Variants in PSPC1 observed in about 807,000 individuals in gnomAD.
The protein encoded by PSPC1 is paraspeckle component 1.
In PSPC1, 14 loss-of-function variants were observed where a neutral mutation model predicts 51.6. That is an observed-to-expected ratio of 0.27 (90% CI 0.18 to 0.42). PSPC1 has a LOEUF of 0.42. Ranked by LOEUF, PSPC1 falls within the 10% of genes least tolerant of loss-of-function variation. The pLI, the probability that PSPC1 is intolerant of heterozygous loss-of-function variation, is 1.00. For synonymous variants in PSPC1, 193 were observed against 231.9 expected (o/e 0.83, Z 1.53); for missense variants, 406 against 701.1 (o/e 0.58, Z 4.75).
At chr13:19,706,344 T>TC (rs1565977782) in intron 7 of PSPC1, among the ~76,000 whole-genome samples, 1 of 152,040 alleles carries the variant, frequency 6.6e-6, no homozygotes, top group Non-Finnish European at 1.5e-5. Context: ...TTTTTTTTTT[T>TC]CCTCCCTGAG....
intron 6 of PSPC1, among the ~76,000 whole-genome samples, chr13:19,725,552 A>G (rs1219096965): frequency 6.6e-6 from 1 of 152,276 alleles, no homozygotes; most frequent in Non-Finnish European, 1.5e-5. Context: ...GTCTCAATAC[A>G]GTCTCACATA....
intron 4 of PSPC1, among the ~76,000 whole-genome samples, chr13:19,748,902 G>A (rs1398872781): frequency 6.6e-6 from 1 of 151,970 alleles, no homozygotes; most frequent in East Asian, 1.9e-4. Context: ...CAAAACCACT[G>A]GACTGGACAA....
intron 4 of PSPC1, among the ~76,000 whole-genome samples, chr13:19,748,283 A>G (rs1160800541): frequency 2.0e-5 from 3 of 152,206 alleles, no homozygotes; most frequent in Non-Finnish European, 2.9e-5. Context: ...TAACTTTTTA[A>G]ATTTTTAAAC....
rs188837377 is a variant in PSPC1 at position 19,691,940 on chromosome 13, T to C, written c.1159-14117A>G. Among the ~76,000 whole-genome samples the C allele has an allele frequency of 2.0e-3, 309 of 151,868 alleles. 1 individual carries two copies. The highest frequency in any genetic ancestry group is 7.2e-3 in the African/African-American group (298 of 41,428). On this transcript the variant is annotated intron_variant and NMD_transcript_variant, in intron 6 of 7. Transcript: ENST00000471658. The stretch of plus-strand genomic sequence containing the variant: ...CTCAAAAAAGAGAGACCTACAAAAA[T>C]ATCTGGGAGACGGAGGAACCACCTT...
chr13:19,742,913 A>T (rs1885579799), intron 4 of PSPC1, among the ~76,000 whole-genome samples: 1 of 39,196 alleles, frequency 2.6e-5, no homozygotes, highest in African/African-American at 1.1e-4. Context: ...TAACTAAGCC[A>T]ATGTCTTACG....
chr13:19,734,103 A>G (rs1343251142), intron 5 of PSPC1, among the ~76,000 whole-genome samples: 1 of 152,346 alleles, frequency 6.6e-6, no homozygotes, highest in East Asian at 1.9e-4. Flanking sequence ...GACAGCATAC[A>G]GAAACATTCC....
intron 6 of PSPC1, among the ~76,000 whole-genome samples, chr13:19,711,538 T>G (rs1166919342): frequency 6.7e-6 from 1 of 150,280 alleles, no homozygotes; most frequent in South Asian, 2.1e-4. Context: ...TTCGGGAGGC[T>G]GAGGCAGGAG....
At chr13:19,750,529 A>C (rs1886435582) in intron 4 of PSPC1, among the ~76,000 whole-genome samples, 1 of 152,022 alleles carries the variant, frequency 6.6e-6, no homozygotes, top group East Asian at 1.9e-4. Context: ...TGTACAAATG[A>C]ATCTTTTTCA....
chr13:19,709,533 A>T lies in PSPC1; in HGVS notation c.1216+9T>A. 1 of 1,608,806 alleles carries T rather than the reference A, an allele frequency of 6.2e-7. No individual in the cohort carries two copies. The highest frequency in any genetic ancestry group is 8.5e-7 in the Non-Finnish European group (1 of 1,178,296). ...TAAATTACAAAAGCCTTTTGCTTCA[A>T]ATCCCTACCTCCCATGTTTATTGCT... is the stretch of plus-strand genomic sequence containing the variant. On this transcript the variant is annotated intron_variant, in intron 7 of 8. Coordinates refer to ENST00000338910, the MANE Select transcript of PSPC1 (RefSeq NM_001354909.2).
At chr13:19,691,463 C>A (rs1274730975) in intron 6 of PSPC1, among the ~76,000 whole-genome samples, 9 of 152,028 alleles carry the variant, frequency 5.9e-5, no homozygotes, top group Non-Finnish European at 1.2e-4. Flanking sequence ...TTTGAGGCTG[C>A]GGTGAGCTAT....
At chr13:19,711,984 G>C (rs966018338) in intron 6 of PSPC1, among the ~76,000 whole-genome samples, 5 of 152,068 alleles carry the variant, frequency 3.3e-5, no homozygotes, top group Non-Finnish European at 7.4e-5. Context: ...TCACTACTTA[G>C]AAACTACTGA....
At chr13:19,715,738 T>A (rs865854094) in intron 6 of PSPC1, among the ~76,000 whole-genome samples, 2 of 151,752 alleles carry the variant, frequency 1.3e-5, no homozygotes, top group African/African-American at 2.4e-5. Flanking sequence ...TTAAAAAAAA[T>A]TTTTTTTGGA....
chr13:19,709,793 C>T (rs1161700664), intron 6 of PSPC1, among the ~76,000 whole-genome samples, 194 bp from the exon 7 acceptor site: 1 of 151,656 alleles, frequency 6.6e-6, no homozygotes, highest in Non-Finnish European at 1.5e-5. Flanking sequence ...ACTACAAATG[C>T]TTAATGCATC....
intron 5 of PSPC1, among the ~76,000 whole-genome samples, chr13:19,731,200 T>G (rs1025047305): frequency 6.6e-6 from 1 of 152,080 alleles, no homozygotes; most frequent in African/African-American, 2.4e-5. Context: ...CTTTTAGAAA[T>G]TACGTGTTAT....
chr13:19,744,555 CT>C (rs1044762360), intron 4 of PSPC1, among the ~76,000 whole-genome samples: 4 of 150,920 alleles, frequency 2.7e-5, no homozygotes, highest in Non-Finnish European at 3.0e-5. Flanking sequence ...CTAGAGATGT[CT>C]TTTTTTTTCT....
At chr13:19,692,025 A>G (rs1878627244) in intron 6 of PSPC1, among the ~76,000 whole-genome samples, 1 of 152,194 alleles carries the variant, frequency 6.6e-6, no homozygotes, top group Non-Finnish European at 1.5e-5. Context: ...GGCGGACCAA[A>G]TCAGATAAAG....
rs766868904 is a variant in PSPC1, at chr13:19,782,358, T to C, written c.372+28A>G. The C allele has an allele frequency of 6.4e-7, 1 of 1,554,992 alleles. No individual in the cohort carries two copies. Among genetic ancestry groups the C allele is most frequent in the Non-Finnish European group, 8.7e-7 (1 of 1,151,382 alleles). On this transcript the variant is annotated intron_variant, in intron 1 of 8. Coordinates refer to ENST00000338910, the MANE Select transcript of PSPC1 (RefSeq NM_001354909.2). This position sits in a 1 kb window ranked among gnomAD's most constrained non-coding sequence, Gnocchi z 4.5. ...CGCGGCCACCCCGACAGTCCTTTTG[T>C]TCCCTCGCGCGGGCGCCTGACACTC...
At chr13:19,706,221 T>G (rs1442366295) in intron 7 of PSPC1, among the ~76,000 whole-genome samples, 1 of 152,144 alleles carries the variant, frequency 6.6e-6, no homozygotes, top group East Asian at 1.9e-4. Context: ...CACTTAATTT[T>G]TTTCAACCCA....
At chr13:19,742,513 CG>C (rs1885538512) in intron 4 of PSPC1, among the ~76,000 whole-genome samples, 2 of 152,004 alleles carry the variant, frequency 1.3e-5, no homozygotes, top group South Asian at 4.2e-4. Flanking sequence ...CCAAGGCAGG[CG>C]GATCACCTGA....
Sources: gnomAD v4.1 joint callset for allele counts (sites outside exome capture counted in the v4.1 genomes callset) on GRCh38, gnomAD v4.1.1 for gene constraint, Gnocchi (gnomAD v3.1) non-coding constraint, MANE v1.5 for transcripts, NCBI Gene and HGNC (gene_info 2026-07-23, HGNC 2026-07-21) for gene names.